Variants in CASD1 observed in about 807,000 individuals in gnomAD.
CASD1 encodes the protein N-acetylneuraminate (7)9-O-acetyltransferase.
Under a neutral mutation model 100.0 loss-of-function variants are expected in CASD1, and 41 were observed. The ratio of observed to expected loss-of-function variants is 0.41; its 90% CI spans 0.32 to 0.53. CASD1 has a LOEUF of 0.53. CASD1 is among the 20% of genes least tolerant of loss of function. The pLI is 0.25. For missense variants in CASD1, 774 were observed against 948.7 expected (o/e 0.82, Z 2.42); for synonymous variants, 321 against 315.6 (o/e 1.02, Z -0.18).
chr7:94,562,026 G>A, the CASD1 span, among the ~76,000 whole-genome samples: 1 of 152,104 alleles, frequency 6.6e-6, no homozygotes, highest in Non-Finnish European at 1.5e-5. Flanking sequence ...TCATCATTGT[G>A]TCAACTGTAG....
the CASD1 span, among the ~76,000 whole-genome samples, chr7:94,584,488 A>C: frequency 2.6e-5 from 4 of 152,340 alleles, no homozygotes; most frequent in Admixed American, 2.0e-4. Flanking sequence ...GGAGGTTCTA[A>C]TGTCAATGAT....
the CASD1 span, among the ~76,000 whole-genome samples, chr7:94,574,709 G>A: frequency 6.6e-6 from 1 of 151,034 alleles, no homozygotes; most frequent in African/African-American, 2.4e-5. Context: ...GGTGGCTCAT[G>A]CGTGTAATCC....
downstream of CASD1, among the ~76,000 whole-genome samples, chr7:94,559,800 T>G (rs988861131): frequency 3.3e-5 from 5 of 152,102 alleles, no homozygotes; most frequent in Admixed American, 1.3e-4. Flanking sequence ...TGCTAGGATA[T>G]AGGCGTGAGC....
chr7:94,559,045 C>T (rs979832139), downstream of CASD1, among the ~76,000 whole-genome samples: 2 of 152,140 alleles, frequency 1.3e-5, no homozygotes, highest in African/African-American at 4.8e-5. Flanking sequence ...AGCGATCCAC[C>T]TGCCTCAGCC....
chr7:94,545,485 G>A (rs1455229741), intron 11 of CASD1, 60 bp from the exon 12 acceptor site: 2 of 1,343,386 alleles, frequency 1.5e-6, no homozygotes, highest in East Asian at 2.3e-5. Context: ...TGCTGTTCGT[G>A]TGTACCTAGA....
At chr7:94,530,549 G>A (rs17166336) in intron 5 of CASD1, among the ~76,000 whole-genome samples, 6,353 of 152,164 alleles carry the variant, frequency 0.042, 209 homozygotes, top group South Asian at 0.083. Context: ...TGAATTGAGG[G>A]TAGTGGAGAA....
At chr7:94,539,542 G>A (rs1313000735) in intron 10 of CASD1, among the ~76,000 whole-genome samples, 1 of 151,918 alleles carries the variant, frequency 6.6e-6, no homozygotes, top group African/African-American at 2.4e-5. Flanking sequence ...GGCGGTGCAT[G>A]CCTGTAATCC....
chr7:94,570,475 T>C, the CASD1 span, among the ~76,000 whole-genome samples: 1 of 152,110 alleles, frequency 6.6e-6, no homozygotes, highest in African/African-American at 2.4e-5. Flanking sequence ...CCCAATAATA[T>C]AGATTTATGT....
At chr7:94,546,110 A>G (rs1468217427) in intron 12 of CASD1, among the ~76,000 whole-genome samples, 2 of 151,966 alleles carry the variant, frequency 1.3e-5, no homozygotes, top group Non-Finnish European at 1.5e-5. Context: ...TGATTTATGT[A>G]TATATTGAGA....
chr7:94,565,776 A>G, the CASD1 span, among the ~76,000 whole-genome samples: 1 of 152,160 alleles, frequency 6.6e-6, no homozygotes. Context: ...TTCTCAGACC[A>G]TTCCAGGTGC....
At chr7:94,630,996 G>T in the CASD1 span, among the ~76,000 whole-genome samples, 2 of 152,086 alleles carry the variant, frequency 1.3e-5, no homozygotes, top group African/African-American at 4.8e-5. Context: ...AGAAAAGGGG[G>T]AACTGAGCTA....
At chr7:94,538,903 T>C (rs914839034) in intron 9 of CASD1, 64 bp from the exon 10 acceptor site, 11 of 824,382 alleles carry the variant, frequency 1.3e-5, no homozygotes, top group African/African-American at 3.5e-5. Flanking sequence ...AACATACTTA[T>C]TATATGCCGT....
chr7:94,614,845 AAATACTG>A, the CASD1 span, among the ~76,000 whole-genome samples: 1 of 152,220 alleles, frequency 6.6e-6, no homozygotes, highest in African/African-American at 2.4e-5. Flanking sequence ...CCCATTAAAA[AAATACTG>A]AATAAACATT....
chr7:94,629,393 A>G, the CASD1 span: 1 of 262,944 alleles, frequency 3.8e-6, no homozygotes, highest in African/African-American at 2.3e-5. Context: ...TCAATGTACT[A>G]TGTGAGAATC....
chr7:94,586,243 G>T, the CASD1 span, among the ~76,000 whole-genome samples: 2 of 152,042 alleles, frequency 1.3e-5, no homozygotes, highest in Admixed American at 1.3e-4. Flanking sequence ...GAAAACTCCA[G>T]TTACTGTTTG....
At chr7:94,598,496 G>A in the CASD1 span, 2 of 369,738 alleles carry the variant, frequency 5.4e-6, no homozygotes, top group South Asian at 3.4e-5. Flanking sequence ...TCATCTTTGA[G>A]CAAACATGTA....
the CASD1 span, chr7:94,618,318 G>A: frequency 1.2e-5 from 2 of 165,050 alleles, no homozygotes; most frequent in African/African-American, 4.8e-5. Context: ...ACAGGAATGG[G>A]TTTCAAATCC....
the CASD1 span, chr7:94,624,891 C>A: frequency 6.6e-6 from 1 of 151,778 alleles, no homozygotes; most frequent in Non-Finnish European, 1.5e-5. Context: ...TTAAATAATG[C>A]AGACTATTGA....
At chr7:94,579,101 T>C in the CASD1 span, among the ~76,000 whole-genome samples, 1 of 151,972 alleles carries the variant, frequency 6.6e-6, no homozygotes, top group Non-Finnish European at 1.5e-5. Flanking sequence ...TAATACACTA[T>C]GTTTTATTCA....
Sources: gnomAD v4.1 joint callset for allele counts (sites outside exome capture counted in the v4.1 genomes callset) on GRCh38, gnomAD v4.1.1 for gene constraint, MANE v1.5 for transcripts, NCBI Gene and HGNC (gene_info 2026-07-23, HGNC 2026-07-21) for gene names.